RBFOX1: variants seen among roughly 807,000 people sequenced by gnomAD.
RBFOX1 encodes RNA binding fox-1 homolog 1.
In RBFOX1, 8 loss-of-function variants were observed where a neutral mutation model predicts 57.7. That is an observed-to-expected ratio of 0.14 (90% confidence interval 0.08 to 0.25). The LOEUF (loss-of-function observed/expected upper bound fraction) is 0.25, where lower values mean the gene tolerates loss of function less well. Among genes scored for constraint, RBFOX1 ranks in the 10% least tolerant of loss-of-function variants. RBFOX1 has a pLI of 1.00. For missense variants in RBFOX1, 611 were observed against 548.5 expected, an observed-to-expected ratio of 1.11 and a Z score of -1.14; for synonymous variants, 326 against 222.4, an observed-to-expected ratio of 1.47 and a Z score of -4.15.
intron 3 of RBFOX1, among the ~76,000 whole-genome samples, chr16:6,895,660 G>A (rs55916252): frequency 0.037 from 5,571 of 151,474 alleles, 153 homozygotes; most frequent in Middle Eastern, 0.08. Context: ...ATGTTTTGTG[G>A]AAAGGAGGCA....
At chr16:7,703,568 C>T (rs547263062) in intron 14 of RBFOX1, among the ~76,000 whole-genome samples, 1 of 152,200 alleles carries the variant, frequency 6.6e-6, no homozygotes, top group Non-Finnish European at 1.5e-5. Flanking sequence ...AGTGTTCTTA[C>T]TGTGGCCCTA....
chr16:7,120,311 C>G (rs569133528), intron 4 of RBFOX1, among the ~76,000 whole-genome samples: 3 of 150,358 alleles, frequency 2.0e-5, no homozygotes, highest in Non-Finnish European at 4.4e-5. Context: ...CTAATACATG[C>G]AAAGAGAAAG....
At chr16:6,724,134 G>A (rs2154166812) in intron 3 of RBFOX1, among the ~76,000 whole-genome samples, 1 of 152,048 alleles carries the variant, frequency 6.6e-6, no homozygotes. Context: ...TGGGATTAGT[G>A]CCATTATAAA....
At chr16:6,256,247 G>GTATATATATATGTGTATATATATATGTA (rs1202068255) in intron 1 of RBFOX1, among the ~76,000 whole-genome samples, 1 of 78,346 alleles carries the variant, frequency 1.3e-5, no homozygotes, top group Non-Finnish European at 2.3e-5. Flanking sequence ...ATATATATAT[G>GTATATATATATGTGTATATATATATGTA]TATATATATG....
At chr16:5,334,263 G>A (rs2064841036) in intron 1 of RBFOX1, among the ~76,000 whole-genome samples, 1 of 152,178 alleles carries the variant, frequency 6.6e-6, no homozygotes, top group African/African-American at 2.4e-5. Context: ...TCAGGGAGGG[G>A]TTTGGAATGT....
intron 4 of RBFOX1, among the ~76,000 whole-genome samples, chr16:7,118,149 C>G (rs76541356): frequency 0.04 from 6,114 of 152,192 alleles, 164 homozygotes; most frequent in Middle Eastern, 0.085. Flanking sequence ...TTTGAGAAAT[C>G]TGCATACTGT....
At chr16:6,374,463 G>T (rs970481667) in intron 2 of RBFOX1, among the ~76,000 whole-genome samples, 1 of 152,086 alleles carries the variant, frequency 6.6e-6, no homozygotes, top group Non-Finnish European at 1.5e-5. Flanking sequence ...GAACAGAAAG[G>T]AACTCTACTA....
At chr16:7,673,357 G>C (rs2072208861) in intron 13 of RBFOX1, among the ~76,000 whole-genome samples, 1 of 152,140 alleles carries the variant, frequency 6.6e-6, no homozygotes, top group Non-Finnish European at 1.5e-5. Context: ...AACCAGTTTG[G>C]TTGTGGAAAT....
intron 3 of RBFOX1, among the ~76,000 whole-genome samples, chr16:6,740,765 A>T (rs866413520): frequency 1.3e-5 from 2 of 152,140 alleles, no homozygotes; most frequent in Non-Finnish European, 2.9e-5. Context: ...GGATTGAAAG[A>T]CTCCACTTTG....
chr16:6,314,543 G>T (rs546126726), intron 1 of RBFOX1, among the ~76,000 whole-genome samples: 2 of 152,250 alleles, frequency 1.3e-5, no homozygotes, highest in African/African-American at 4.8e-5. Flanking sequence ...AGTTTAGGAT[G>T]AGAGAAGGTT....
intron 2 of RBFOX1, among the ~76,000 whole-genome samples, chr16:6,653,333 G>A (rs2098613398): frequency 6.6e-6 from 1 of 152,144 alleles, no homozygotes. Flanking sequence ...CCAGAAGAAT[G>A]TAAGCATCAC....
At chr16:6,935,352 C>T (rs1403438145) in intron 3 of RBFOX1, among the ~76,000 whole-genome samples, 3 of 152,142 alleles carry the variant, frequency 2.0e-5, no homozygotes, top group Admixed American at 6.5e-5. Flanking sequence ...CCTCATCTCC[C>T]TCCCCATGAA....
chr16:7,014,793 C>T (rs1194378536), intron 3 of RBFOX1, among the ~76,000 whole-genome samples: 9 of 152,084 alleles, frequency 5.9e-5, no homozygotes, highest in Admixed American at 1.3e-4. Flanking sequence ...GGCACTGTCT[C>T]GGCTCACTGC....
chr16:6,661,176 C>T (rs1012706101), intron 3 of RBFOX1, among the ~76,000 whole-genome samples: 29 of 152,160 alleles, frequency 1.9e-4, no homozygotes, highest in African/African-American at 6.8e-4. Context: ...TTTTTACTTA[C>T]TATGAGCAAT....
intron 2 of RBFOX1, among the ~76,000 whole-genome samples, chr16:6,427,929 G>T (rs1348252898): frequency 1.3e-5 from 2 of 152,084 alleles, no homozygotes; most frequent in East Asian, 1.9e-4. Flanking sequence ...GAATAATAAG[G>T]ATAATTTATA....
rs932349420 is a variant in RBFOX1 at position 6,066,230 on chromosome 16, G to T, written c.-127+46238G>T. Among the ~76,000 whole-genome samples, 3 of 139,008 alleles carry T rather than the reference G, an allele frequency of 2.2e-5. No homozygotes were observed. The Admixed American group carries it at 2.3e-4, about 11-fold the overall frequency. 91.2% of individuals were successfully genotyped at this position (139,008 alleles called of 152,430 possible). On this transcript the variant is annotated intron_variant, in intron 1 of 15. Transcript: ENST00000550418. ...AATTGCTTGAACTGGGGGGGTTGGA[G>T]GTTGCAGTGATCCAAGATTGTGCCA...
intron 4 of RBFOX1, among the ~76,000 whole-genome samples, chr16:5,961,588 T>C (rs868445222): frequency 6.6e-6 from 1 of 152,184 alleles, no homozygotes; most frequent in Non-Finnish European, 1.5e-5. Flanking sequence ...GGTGCAATCA[T>C]GGCTCACTGC....
intron 3 of RBFOX1, among the ~76,000 whole-genome samples, chr16:6,668,714 C>T (rs1017936596): frequency 6.6e-6 from 1 of 151,968 alleles, no homozygotes; most frequent in Non-Finnish European, 1.5e-5. Flanking sequence ...TTTGTCATCT[C>T]TTTGAAATTT....
At chr16:6,899,687 C>T (rs996328692) in intron 3 of RBFOX1, among the ~76,000 whole-genome samples, 4 of 152,216 alleles carry the variant, frequency 2.6e-5, no homozygotes, top group Admixed American at 6.5e-5. Context: ...GGAATTATCT[C>T]TACAGATTTT....
Sources: gnomAD v4.1 joint callset for allele counts (sites outside exome capture counted in the v4.1 genomes callset) on GRCh38, gnomAD v4.1.1 for gene constraint, MANE v1.5 for transcripts, NCBI Gene and HGNC (gene_info 2026-07-23, HGNC 2026-07-21) for gene names.